DOK6: variants seen among roughly 807,000 people sequenced by gnomAD.
DOK6 encodes the protein downstream of tyrosine kinase 6.
In DOK6, 22 loss-of-function variants were observed where a neutral mutation model predicts 44.0. That is an observed-to-expected ratio of 0.50 (90% CI 0.36 to 0.71). The LOEUF is 0.71. Ranked by LOEUF, DOK6 falls within the 30% of genes least tolerant of loss-of-function variation. The pLI is 0.00. For synonymous variants in DOK6, 166 were observed against 145.5 expected (o/e 1.14, Z -1.01); for missense variants, 340 against 416.4 (o/e 0.82, Z 1.60).
chr18:69,731,987 G>A (rs568747643), intron 5 of DOK6, among the ~76,000 whole-genome samples: 3 of 152,132 alleles, frequency 2.0e-5, no homozygotes, highest in Non-Finnish European at 2.9e-5. Context: ...GGATAAGAAC[G>A]TATCACTTCT....
intron 1 of DOK6, among the ~76,000 whole-genome samples, chr18:69,517,729 GT>G (rs5825948): frequency 0.16 from 23,133 of 146,724 alleles, 2,011 homozygotes; most frequent in Non-Finnish European, 0.2. Context: ...ATACAGCTTG[GT>G]TTTTTTTTTT....
chr18:69,637,388 TAAAA>T (rs993888887), intron 3 of DOK6, among the ~76,000 whole-genome samples: 7 of 152,162 alleles, frequency 4.6e-5, no homozygotes, highest in African/African-American at 1.7e-4. Context: ...TAAAAGGAAA[TAAAA>T]AGATACTTTT....
intron 1 of DOK6, among the ~76,000 whole-genome samples, chr18:69,524,762 T>A (rs1447192286): frequency 6.6e-6 from 1 of 151,886 alleles, no homozygotes; most frequent in Non-Finnish European, 1.5e-5. Flanking sequence ...TCAACCTAAT[T>A]TTTAAAACAA....
intron 1 of DOK6, among the ~76,000 whole-genome samples, chr18:69,458,969 G>A (rs1979705362): frequency 6.6e-6 from 1 of 151,946 alleles, no homozygotes; most frequent in African/African-American, 2.4e-5. Flanking sequence ...GGTGGCAGGT[G>A]CCTGTAATCC....
Position 69,624,650 on chromosome 18 carries a change from G to A in DOK6, c.289+25152G>A, listed in dbSNP as rs146325772. On this transcript the variant is annotated intron_variant, in intron 3 of 7. Coordinates refer to ENST00000382713, the MANE Select transcript of DOK6 (RefSeq NM_152721.6). ...AGTATTACTTACTGGTTCCTTTTAGGAGCCAGATTTTTGAATTAATTAATG... is the reference window on the plus strand; with the variant it reads ...AGTATTACTTACTGGTTCCTTTTAGAAGCCAGATTTTTGAATTAATTAATG... Among the ~76,000 whole-genome samples the A allele has an allele frequency of 8.9e-4, 136 of 152,154 alleles. 1 individual carries two copies. The highest frequency in any genetic ancestry group is 3.4e-3 in the Middle Eastern group (1 of 294).
intron 7 of DOK6, among the ~76,000 whole-genome samples, chr18:69,803,526 A>G (rs929489001): frequency 6.6e-6 from 1 of 152,238 alleles, no homozygotes; most frequent in Non-Finnish European, 1.5e-5. Flanking sequence ...AAATCTAATG[A>G]AAGAAATTCC....
At chr18:69,545,777 A>G (rs1385131752) in intron 1 of DOK6, among the ~76,000 whole-genome samples, 1 of 151,452 alleles carries the variant, frequency 6.6e-6, no homozygotes, top group African/African-American at 2.4e-5. Context: ...TATACTGTAA[A>G]TAGATGGCAG....
intron 1 of DOK6, among the ~76,000 whole-genome samples, chr18:69,542,561 G>A (rs1459486839): frequency 6.6e-6 from 1 of 151,472 alleles, no homozygotes; most frequent in Non-Finnish European, 1.5e-5. Flanking sequence ...AGCGCTACAC[G>A]AAAAGCTGGT....
At chr18:69,577,368 G>C in intron 2 of DOK6, among the ~76,000 whole-genome samples, 1 of 152,098 alleles carries the variant, frequency 6.6e-6, no homozygotes, top group African/African-American at 2.4e-5. Flanking sequence ...ATACCTGCTG[G>C]AAGTTCCCAA....
intron 1 of DOK6, among the ~76,000 whole-genome samples, chr18:69,527,787 G>T (rs1400066962): frequency 1.3e-5 from 2 of 152,110 alleles, no homozygotes; most frequent in African/African-American, 4.8e-5. Flanking sequence ...CACTGGTTTT[G>T]ATTGCTTTTT....
At chr18:69,690,584 A>T (rs889223315) in intron 4 of DOK6, among the ~76,000 whole-genome samples, 1 of 152,206 alleles carries the variant, frequency 6.6e-6, no homozygotes, top group African/African-American at 2.4e-5. Context: ...TGATCTTGAA[A>T]TGTCTCATCT....
At chr18:69,775,000 C>A (rs1340342175) in intron 7 of DOK6, among the ~76,000 whole-genome samples, 1 of 151,596 alleles carries the variant, frequency 6.6e-6, no homozygotes, top group African/African-American at 2.4e-5. Flanking sequence ...AACAGCAAAC[C>A]AGATTGACAT....
At chr18:69,783,119 C>T (rs1012992150) in intron 7 of DOK6, among the ~76,000 whole-genome samples, 1 of 152,202 alleles carries the variant, frequency 6.6e-6, no homozygotes, top group Admixed American at 6.5e-5. Flanking sequence ...TTCAAAAGTA[C>T]TCTCACCCAC....
intron 1 of DOK6, 60 bp downstream of exon 1, chr18:69,401,370 G>GCCT (rs1491258670): frequency 2.5e-6 from 1 of 399,846 alleles, no homozygotes; most frequent in Non-Finnish European, 3.4e-6. Context: ...CTGGCTGCCT[G>GCCT]GGGGGGGGGC....
chr18:69,799,099 T>C (rs533418997), intron 7 of DOK6, among the ~76,000 whole-genome samples: 1 of 152,202 alleles, frequency 6.6e-6, no homozygotes, highest in South Asian at 2.1e-4. Context: ...CAGCATTAAC[T>C]GTCATCATTT....
At chr18:69,410,883 A>C (rs554809208) in intron 1 of DOK6, among the ~76,000 whole-genome samples, 4 of 152,176 alleles carry the variant, frequency 2.6e-5, no homozygotes, top group Non-Finnish European at 4.4e-5. Context: ...AGTAGCTCAG[A>C]GTCAGTTTTG....
At chr18:69,461,579 A>G (rs1979789529) in intron 1 of DOK6, among the ~76,000 whole-genome samples, 1 of 152,174 alleles carries the variant, frequency 6.6e-6, no homozygotes, top group South Asian at 2.1e-4. Flanking sequence ...GCCCTATTTA[A>G]TCTATTAATG....
chr18:69,802,614 C>T (rs768412443), intron 7 of DOK6, among the ~76,000 whole-genome samples: 4 of 152,116 alleles, frequency 2.6e-5, no homozygotes, highest in African/African-American at 2.4e-5. Context: ...CTGTCATCAC[C>T]GTAATGAGTG....
chr18:69,685,741 G>A (rs945301455), intron 4 of DOK6, among the ~76,000 whole-genome samples: 3 of 152,048 alleles, frequency 2.0e-5, no homozygotes, highest in Admixed American at 6.6e-5. Context: ...TTAGGAATTT[G>A]CCCATTGCTT....
Sources: gnomAD v4.1 joint callset for allele counts (sites outside exome capture counted in the v4.1 genomes callset) on GRCh38, gnomAD v4.1.1 for gene constraint, MANE v1.5 for transcripts, NCBI Gene and HGNC (gene_info 2026-07-23, HGNC 2026-07-21) for gene names.